The following KCNIP4 variants were observed in gnomAD, a reference collection of about 807,000 sequenced individuals.
The protein encoded by KCNIP4 is potassium voltage-gated channel interacting protein 4, also known as Kv channel-interacting protein 4.
A neutral mutation model predicts 34.0 loss-of-function variants in KCNIP4; 12 were observed. That is an observed-to-expected ratio of 0.35 (90% CI 0.23 to 0.57). The LOEUF is 0.57. Ranked by LOEUF, KCNIP4 falls within the 20% of genes least tolerant of loss-of-function variation. The pLI is 0.83. For synonymous variants in KCNIP4, 124 were observed against 102.2 expected (o/e 1.21, Z -1.29); for missense variants, 238 against 311.7 (o/e 0.76, Z 1.78).
intron 3 of KCNIP4, among the ~76,000 whole-genome samples, chr4:20,782,901 G>A (rs1299466482): frequency 6.6e-6 from 1 of 152,108 alleles, no homozygotes; most frequent in Non-Finnish European, 1.5e-5. Context: ...TTTATGCTCT[G>A]CTTCCCTTTT....
chr4:21,424,348 C>A (rs114090536), intron 1 of KCNIP4, among the ~76,000 whole-genome samples: 1,563 of 151,098 alleles, frequency 0.01, 27 homozygotes, highest in African/African-American at 0.036. Flanking sequence ...CAAGGTGGGA[C>A]GATCACGAGG....
intron 1 of KCNIP4, among the ~76,000 whole-genome samples, chr4:21,805,232 G>C (rs980798173): frequency 3.3e-5 from 5 of 152,162 alleles, no homozygotes; most frequent in African/African-American, 1.2e-4. Flanking sequence ...ACAAAAGTTG[G>C]TGGAACTCCA....
At chr4:21,753,740 C>T (rs937949328) in intron 1 of KCNIP4, among the ~76,000 whole-genome samples, 36 of 152,166 alleles carry the variant, frequency 2.4e-4, no homozygotes, top group African/African-American at 8.4e-4. Context: ...GATTTCATAG[C>T]TGCTGTCAAG....
chr4:21,335,269 G>T (rs2109333911), intron 1 of KCNIP4, among the ~76,000 whole-genome samples: 1 of 141,624 alleles, frequency 7.1e-6, no homozygotes, highest in East Asian at 2.1e-4. Flanking sequence ...TGAACCAACG[G>T]CTGCAACTAG....
chr4:21,110,908 T>C (rs2109101791), intron 1 of KCNIP4, among the ~76,000 whole-genome samples: 1 of 152,304 alleles, frequency 6.6e-6, no homozygotes, highest in Non-Finnish European at 1.5e-5. Context: ...ACTCAGTCTA[T>C]GCCATTTTGT....
intron 1 of KCNIP4, among the ~76,000 whole-genome samples, chr4:20,933,750 A>AG (rs1282828526): frequency 6.6e-6 from 1 of 151,622 alleles, no homozygotes; most frequent in African/African-American, 2.4e-5. Context: ...AAGAAAAAAA[A>AG]AAAAAGAAAG....
chr4:21,218,377 T>C (rs1757762803), intron 1 of KCNIP4, among the ~76,000 whole-genome samples: 1 of 152,012 alleles, frequency 6.6e-6, no homozygotes, highest in Non-Finnish European at 1.5e-5. Context: ...GTACACCATA[T>C]ACATTTATCT....
intron 1 of KCNIP4, among the ~76,000 whole-genome samples, chr4:21,128,673 T>C (rs1478343088): frequency 6.6e-6 from 1 of 152,206 alleles, no homozygotes; most frequent in African/African-American, 2.4e-5. Flanking sequence ...CTATTTGTAC[T>C]TTCTTGGGAG....
At chr4:21,449,636 G>A (rs1439811155) in intron 1 of KCNIP4, among the ~76,000 whole-genome samples, 1 of 147,426 alleles carries the variant, frequency 6.8e-6, no homozygotes, top group Non-Finnish European at 1.5e-5. Flanking sequence ...TTATATATAT[G>A]TATATATATA....
chr4:21,507,415 C>T (rs1395035592), intron 1 of KCNIP4, among the ~76,000 whole-genome samples: 1 of 151,910 alleles, frequency 6.6e-6, no homozygotes, highest in East Asian at 1.9e-4. Context: ...CAGGGACATG[C>T]CGACACGACC....
chr4:20,836,364 C>T (rs973986103), intron 3 of KCNIP4, among the ~76,000 whole-genome samples: 1 of 152,178 alleles, frequency 6.6e-6, no homozygotes, highest in Admixed American at 6.5e-5. Flanking sequence ...CTGGTTTTCT[C>T]CTGAGGTCTG....
At chr4:21,039,465 C>G (rs1409536639) in intron 1 of KCNIP4, among the ~76,000 whole-genome samples, 1 of 151,700 alleles carries the variant, frequency 6.6e-6, no homozygotes, top group African/African-American at 2.4e-5. Flanking sequence ...CTCTAGAGTT[C>G]TCCTCTGCAA....
At chr4:21,351,224 T>C (rs1315610593) in intron 1 of KCNIP4, among the ~76,000 whole-genome samples, 2 of 152,120 alleles carry the variant, frequency 1.3e-5, no homozygotes, top group Admixed American at 1.3e-4. Flanking sequence ...TCTGATATGG[T>C]TTGGCTGTGT....
intron 3 of KCNIP4, among the ~76,000 whole-genome samples, chr4:20,790,473 G>A (rs779735197): frequency 6.6e-6 from 1 of 151,886 alleles, no homozygotes; most frequent in South Asian, 2.1e-4. Flanking sequence ...TTAAACTCTT[G>A]TAATAACACA....
intron 1 of KCNIP4, among the ~76,000 whole-genome samples, chr4:21,056,477 T>C (rs1743414803): frequency 6.6e-6 from 1 of 152,192 alleles, no homozygotes; most frequent in Admixed American, 6.5e-5. Flanking sequence ...CTGGGTATTC[T>C]TTCTGATGTT....
intron 1 of KCNIP4, among the ~76,000 whole-genome samples, chr4:21,784,086 C>A (rs535469394): frequency 3.4e-5 from 5 of 148,394 alleles, no homozygotes; most frequent in Non-Finnish European, 5.9e-5. Flanking sequence ...AGGAAACTTA[C>A]AATCATGGCA....
At chr4:21,517,261 C>T (rs1398894957) in intron 1 of KCNIP4, among the ~76,000 whole-genome samples, 1 of 152,056 alleles carries the variant, frequency 6.6e-6, no homozygotes, top group Non-Finnish European at 1.5e-5. Flanking sequence ...GATCCAGGAC[C>T]CCCTTCCTGT....
intron 1 of KCNIP4, among the ~76,000 whole-genome samples, chr4:21,041,230 T>TCACACACACACACACACACACA (rs57664737): frequency 6.9e-6 from 1 of 144,650 alleles, no homozygotes. Flanking sequence ...GATATATATT[T>TCACACACACACACACACACACA]CACACACACA....
chr4:21,917,800 G>T (rs1013298336), intron 1 of KCNIP4, among the ~76,000 whole-genome samples: 1 of 152,146 alleles, frequency 6.6e-6, no homozygotes, highest in Admixed American at 6.5e-5. Context: ...AATAAAAGAA[G>T]GTTGCAATTA....
Sources: gnomAD v4.1 joint callset for allele counts (sites outside exome capture counted in the v4.1 genomes callset) on GRCh38, gnomAD v4.1.1 for gene constraint, MANE v1.5 for transcripts, NCBI Gene and HGNC (gene_info 2026-07-23, HGNC 2026-07-21) for gene names.